TNNI1: variants seen among roughly 807,000 people sequenced by gnomAD.
TNNI1 encodes the protein troponin I1, slow skeletal type, also known as troponin I, slow skeletal muscle.
TNNI1 carries 14 observed loss-of-function variants against 26.7 expected under a neutral mutation model. The observed-to-expected ratio is 0.52, with a 90% CI of 0.35 to 0.82. The LOEUF (loss-of-function observed/expected upper bound fraction) is 0.82. Among genes scored for constraint, TNNI1 ranks in the 40% least tolerant of loss-of-function variants. The pLI is 0.01. For missense variants in TNNI1, 164 were observed against 257.0 expected (o/e 0.64, Z 2.47); for synonymous variants, 79 against 98.2 (o/e 0.80, Z 1.16).
intron 6 of TNNI1, among the ~76,000 whole-genome samples, chr1:201,412,071 G>C (rs1571735283): frequency 6.6e-6 from 1 of 152,206 alleles, no homozygotes; most frequent in Admixed American, 6.5e-5. Flanking sequence ...ATAAACGGAT[G>C]GTTAAGTGGA....
At chr1:201,413,008 G>A in intron 6 of TNNI1, 24 bp downstream of exon 6, 1 of 1,611,294 alleles carries the variant, frequency 6.2e-7, no homozygotes, top group Non-Finnish European at 8.5e-7. Flanking sequence ...TTATGGCCAT[G>A]CCCCTTCCCT....
At chr1:201,417,887 C>T (rs941732691) in intron 1 of TNNI1, 75 bp from the exon 2 acceptor site, 2 of 1,132,080 alleles carry the variant, frequency 1.8e-6, no homozygotes, top group African/African-American at 1.6e-5. Context: ...CTTGGGAGCC[C>T]AGCCTAGGAG....
intron 1 of TNNI1, among the ~76,000 whole-genome samples, chr1:201,420,228 G>A (rs542382456): frequency 1.9e-4 from 29 of 152,312 alleles, no homozygotes; most frequent in Admixed American, 7.2e-4. Context: ...ACTGACAAAT[G>A]CCAGACCAAG....
Position 201,414,555 on chromosome 1 carries a change from G to T in TNNI1, c.152C>A (p.Thr51Lys), listed in dbSNP as rs372956100. 1.9e-6 allele frequency: 3 copies of T among 1,612,798 alleles called. No individual in the cohort carries two copies. Among genetic ancestry groups the T allele is most frequent in the Non-Finnish European group, 1.7e-6 (2 of 1,179,698 alleles). ...KVRYLAERIP[T>K]LQTRGLSLSA... is the part of the protein sequence containing the mutation. ...GAGGGACAGGCCACGGGTCTGCAGC[G>T]TGGGGATGCGCTCTGCCAGGTAGCG... The change falls in exon 5 of 9, where the codon ACG becomes AAG. Residue 51 changes from threonine (T) to lysine (K), a missense_variant. This residue lies in a region of TNNI1 where 117 missense variants were observed against 158.7 expected (regional missense o/e 0.74). Coordinates refer to ENST00000361379, the MANE Select transcript of TNNI1 (RefSeq NM_003281.4).
At chr1:201,410,556 C>A in intron 7 of TNNI1, 121 bp from the exon 8 acceptor site, 1 of 832,052 alleles carries the variant, frequency 1.2e-6, no homozygotes, top group South Asian at 1.6e-5. Context: ...TGCCCCTCCC[C>A]AGCTGGTAAG....
intron 1 of TNNI1, among the ~76,000 whole-genome samples, chr1:201,418,791 T>G (rs1662800597): frequency 6.6e-6 from 1 of 152,186 alleles, no homozygotes; most frequent in African/African-American, 2.4e-5. Flanking sequence ...TTGGTTTTCC[T>G]CTCTGCAAAA....
Position 201,409,069 on chromosome 1 carries a change from C to T in TNNI1, c.*184G>A, listed in dbSNP as rs377574487. On this transcript the variant is annotated 3_prime_UTR_variant, in exon 9 of 9. Coordinates refer to ENST00000361379, the MANE Select transcript of TNNI1 (RefSeq NM_003281.4). Reference sequence around the variant, plus strand: ...TGCCAGGGTGAGGTCTTCAGACACTCGCGTTTTTCCTGCCTCTTGGGTATC... The same window carrying T: ...TGCCAGGGTGAGGTCTTCAGACACTTGCGTTTTTCCTGCCTCTTGGGTATC... The T allele has an allele frequency of 2.6e-5, 4 of 152,100 alleles. No homozygotes were observed. The highest frequency in any genetic ancestry group is 1.9e-4 in the East Asian group (1 of 5,170). 9.4% of individuals were successfully genotyped at this position (152,100 alleles called of 1,614,324 possible).
intron 3 of TNNI1, 45 bp from the exon 4 acceptor site, chr1:201,415,299 C>G (rs1257720486): frequency 6.2e-7 from 1 of 1,602,224 alleles, no homozygotes; most frequent in Admixed American, 1.7e-5. Context: ...GCAGAGGCTG[C>G]AGAACTGGAA....
At chr1:201,419,347 G>T (rs536855678) in intron 1 of TNNI1, among the ~76,000 whole-genome samples, 1 of 152,330 alleles carries the variant, frequency 6.6e-6, no homozygotes, top group Admixed American at 6.5e-5. Flanking sequence ...CCTGGACACA[G>T]GGCATTCCAA....
At chr1:201,410,122 C>T (rs540735565) in intron 8 of TNNI1, 5 of 512,918 alleles carry the variant, frequency 9.7e-6, no homozygotes, top group South Asian at 6.0e-5. Context: ...CAAAAAGGGC[C>T]GCCAAACAGA....
At chr1:201,414,735 C>A in intron 4 of TNNI1, 86 bp from the exon 5 acceptor site, 2 of 1,565,954 alleles carry the variant, frequency 1.3e-6, no homozygotes, top group South Asian at 1.2e-5. Context: ...ACAGCCTGGG[C>A]CAACTCTGAG....
chr1:201,417,781 A>G lies in TNNI1; in HGVS notation c.11+2T>C. On this transcript the variant is annotated splice_donor_variant, in intron 2 of 8. Transcript: ENST00000361379. LOFTEE classifies it high-confidence loss of function. The stretch of plus-strand genomic sequence containing the variant: ...GCCCCAGATGGCAGTGAGACTACTT[A>G]CACTTCCGGCATGGTGGCAGTGAGA... The G allele has an allele frequency of 7.6e-7, 1 of 1,313,678 alleles. No homozygotes were observed. The highest frequency in any genetic ancestry group is 3.2e-5 in the South Asian group (1 of 31,550). 81.4% of individuals were successfully genotyped at this position (1,313,678 alleles called of 1,614,324 possible).
Position 201,411,267 on chromosome 1 carries a change from C to T in TNNI1, c.456+90G>A. ...CAAGCTGACTGGTCTCCAACAGGAGCTCCTGGGCCAGCCTGAGGCCATGTG... is the reference window on the plus strand; with the variant it reads ...CAAGCTGACTGGTCTCCAACAGGAGTTCCTGGGCCAGCCTGAGGCCATGTG... On this transcript the variant is annotated intron_variant, in intron 7 of 8. Coordinates refer to ENST00000361379, the MANE Select transcript of TNNI1 (RefSeq NM_003281.4). This position sits in a 1 kb window ranked among gnomAD's most constrained non-coding sequence, Gnocchi z 4.6. The T allele has an allele frequency of 7.0e-7, 1 of 1,424,456 alleles. No homozygotes were observed. The highest frequency in any genetic ancestry group is 9.7e-7 in the Non-Finnish European group (1 of 1,032,164). 88.2% of individuals were successfully genotyped at this position (1,424,456 alleles called of 1,614,324 possible).
chr1:201,410,320 A>G lies in TNNI1; in HGVS notation c.*2+6T>C. 6.2e-7 allele frequency: 1 copy of G among 1,611,070 alleles called. No homozygotes were observed. Among genetic ancestry groups the G allele is most frequent in the Non-Finnish European group, 8.5e-7 (1 of 1,177,236 alleles). On this transcript the variant is annotated splice_donor_region_variant and intron_variant, in intron 8 of 8. Transcript: ENST00000361379. ...ACCCCAGAGAAGGGAGCTGGTCTCTAGGTACCTCTATTGTGAGGTCGGAGA... is the reference window on the plus strand; with the variant it reads ...ACCCCAGAGAAGGGAGCTGGTCTCTGGGTACCTCTATTGTGAGGTCGGAGA...
intron 1 of TNNI1, among the ~76,000 whole-genome samples, chr1:201,419,709 C>T (rs551295217): frequency 6.6e-6 from 1 of 152,312 alleles, no homozygotes; most frequent in South Asian, 2.1e-4. Flanking sequence ...GGCCACCTCC[C>T]CTGAATCTCC....
At position 201,411,146 on chromosome 1, in the gene TNNI1, C is replaced by G. The variant is rs1384964070; in HGVS notation, c.456+211G>C. ...TCTAGCTTTCTTTATGTCCTAGTTT[C>G]TTCGTCAGACTGGGAACAGCCTGAA... is the stretch of plus-strand genomic sequence containing the variant. On this transcript the variant is annotated intron_variant, in intron 7 of 8. Transcript: ENST00000361379. This position sits in a 1 kb window ranked among gnomAD's most constrained non-coding sequence, Gnocchi z 4.6. Among the ~76,000 whole-genome samples, 2 of 152,232 alleles carry G rather than the reference C, an allele frequency of 1.3e-5. No individual in the cohort carries two copies. The highest frequency in any genetic ancestry group is 2.9e-5 in the Non-Finnish European group (2 of 68,040).
Position 201,410,370 on chromosome 1 carries a change from C to T in TNNI1, c.522G>A (p.Arg174=), listed in dbSNP as rs778342275. Reference sequence around the variant, plus strand: ...ACTTGGCGGCATCAAACATCTTCTTCCGGCCTTCCATGCCAGACATGGCCT... The same window carrying T: ...ACTTGGCGGCATCAAACATCTTCTTTCGGCCTTCCATGCCAGACATGGCCT... ...NVEAMSGMEG[R]KKMFDAAKSP... is the part of the protein sequence containing the mutation. The change falls in exon 8 of 9, where the codon CGG becomes CGA. Residue 174 remains arginine (R), a synonymous_variant. Coordinates refer to ENST00000361379, the MANE Select transcript of TNNI1 (RefSeq NM_003281.4). The T allele has an allele frequency of 1.2e-6, 2 of 1,614,206 alleles. No homozygotes were observed. Among genetic ancestry groups the T allele is most frequent in the South Asian group, 2.2e-5 (2 of 91,080 alleles).
intron 1 of TNNI1, among the ~76,000 whole-genome samples, chr1:201,420,805 A>G (rs371027240): frequency 6.6e-6 from 1 of 152,070 alleles, no homozygotes; most frequent in Non-Finnish European, 1.5e-5. Flanking sequence ...TCTGAACAGC[A>G]AAGCCTAATC....
rs377155523 is a variant in TNNI1 at position 201,420,437 on chromosome 1, G to A, written c.-20+1236C>T. Among the ~76,000 whole-genome samples the A allele has an allele frequency of 3.0e-4, 46 of 152,058 alleles. No homozygotes were observed. In the South Asian group the frequency reaches 5.6e-3, roughly 19 times the overall value. On this transcript the variant is annotated intron_variant, in intron 1 of 8. Coordinates refer to ENST00000361379, the MANE Select transcript of TNNI1 (RefSeq NM_003281.4). Reference sequence around the variant, plus strand: ...GATAATGAGAAAATCCTCCCCCCGAGGGGGGGAGCAAAGAGTCTCTGGTGG... The same window carrying A: ...GATAATGAGAAAATCCTCCCCCCGAAGGGGGGAGCAAAGAGTCTCTGGTGG...
Sources: gnomAD v4.1 joint callset for allele counts (sites outside exome capture counted in the v4.1 genomes callset) on GRCh38, gnomAD v4.1.1 for gene constraint, gnomAD v4.1.1 regional missense constraint, Gnocchi (gnomAD v3.1) non-coding constraint, MANE v1.5 for transcripts, NCBI Gene and HGNC (gene_info 2026-07-23, HGNC 2026-07-21) for gene names.